The following ADAMTSL3 variants were observed in gnomAD, a reference collection of about 807,000 sequenced individuals.
ADAMTSL3 encodes the protein ADAMTS-like protein 3.
Under a neutral mutation model 201.7 loss-of-function variants are expected in ADAMTSL3, and 128 were observed. The observed-to-expected ratio is 0.63, with a 90% CI of 0.55 to 0.73. The LOEUF (loss-of-function observed/expected upper bound fraction) is 0.73, where lower values mean the gene tolerates loss of function less well. Ranked by LOEUF, ADAMTSL3 falls within the 30% of genes least tolerant of loss-of-function variation. ADAMTSL3 has a pLI of 0.00. For missense variants in ADAMTSL3, 1,990 were observed against 2,119.6 expected (o/e 0.94, Z 1.20); for synonymous variants, 738 against 748.4 (o/e 0.99, Z 0.23).
At chr15:83,904,705 A>C (rs936556832) in intron 15 of ADAMTSL3, among the ~76,000 whole-genome samples, 3 of 152,224 alleles carry the variant, frequency 2.0e-5, no homozygotes, top group Non-Finnish European at 2.9e-5. Context: ...TGGTTGTTTT[A>C]AAATTCCTCC....
chr15:83,827,568 G>A (rs1233990516), intron 6 of ADAMTSL3, among the ~76,000 whole-genome samples: 5 of 151,996 alleles, frequency 3.3e-5, no homozygotes, highest in Non-Finnish European at 7.4e-5. Context: ...TTGGTGTTTT[G>A]GACATGAAGT....
chr15:83,670,258 C>CAAAAAAAAAAAAAAAAAAAAAAAAAA (rs60947988), intron 2 of ADAMTSL3, among the ~76,000 whole-genome samples: 2 of 64,522 alleles, frequency 3.1e-5, no homozygotes, highest in African/African-American at 6.3e-5. Flanking sequence ...ACTCTGTCTC[C>CAAAAAAAAAAAAAAAAAAAAAAAAAA]AAAAAAAAAA....
intron 7 of ADAMTSL3, among the ~76,000 whole-genome samples, chr15:83,845,380 C>T (rs531201611): frequency 7.9e-5 from 12 of 152,348 alleles, no homozygotes; most frequent in African/African-American, 2.9e-4. Context: ...CAAATGAATA[C>T]ATGGCCTTCG....
chr15:83,896,822 G>A (rs2065624560), intron 13 of ADAMTSL3, among the ~76,000 whole-genome samples: 1 of 152,126 alleles, frequency 6.6e-6, no homozygotes, highest in South Asian at 2.1e-4. Context: ...AGGTTTAATT[G>A]ACTCACAGTT....
chr15:83,725,883 T>G (rs1163538499), intron 3 of ADAMTSL3, among the ~76,000 whole-genome samples: 1 of 152,172 alleles, frequency 6.6e-6, no homozygotes, highest in Non-Finnish European at 1.5e-5. Flanking sequence ...CTGGGTCTTT[T>G]GTGGTTCCAC....
intron 3 of ADAMTSL3, among the ~76,000 whole-genome samples, chr15:83,719,251 C>T (rs1454158267): frequency 6.6e-6 from 1 of 152,106 alleles, no homozygotes; most frequent in Non-Finnish European, 1.5e-5. Flanking sequence ...TTGCAACCAC[C>T]AAAATCCAGA....
At chr15:83,896,389 G>T (rs1026753215) in intron 13 of ADAMTSL3, among the ~76,000 whole-genome samples, 1 of 152,114 alleles carries the variant, frequency 6.6e-6, no homozygotes, top group African/African-American at 2.4e-5. Context: ...GTATTGAAGA[G>T]AATGTTTATT....
At position 83,789,063 on chromosome 15, in the gene ADAMTSL3, A is replaced by C. The variant is rs186059632; in HGVS notation, c.317+15413A>C. Among the ~76,000 whole-genome samples, 66 of 152,266 alleles carry C rather than the reference A, an allele frequency of 4.3e-4. 1 individual carries two copies. The East Asian group carries it at 0.012, about 28-fold the overall frequency. ...TGACCTCAGGTGATCTGCCAGCCTC[A>C]GCCTCCCAAAGTGTTGGGATTACAG... On this transcript the variant is annotated intron_variant, in intron 4 of 29. Coordinates refer to ENST00000286744, the MANE Select transcript of ADAMTSL3 (RefSeq NM_207517.3).
chr15:83,681,544 A>C (rs1180971935), intron 2 of ADAMTSL3, among the ~76,000 whole-genome samples: 1 of 152,198 alleles, frequency 6.6e-6, no homozygotes, highest in Non-Finnish European at 1.5e-5. Context: ...ATTCGGGATT[A>C]ATGTTAGGCA....
chr15:83,725,072 A>G (rs190267087), intron 3 of ADAMTSL3, among the ~76,000 whole-genome samples: 67 of 151,376 alleles, frequency 4.4e-4, no homozygotes, highest in African/African-American at 1.6e-3. Flanking sequence ...GTATATACCT[A>G]GGAGTGGGAT....
intron 3 of ADAMTSL3, among the ~76,000 whole-genome samples, chr15:83,724,601 A>G (rs1355068519): frequency 6.6e-6 from 1 of 151,948 alleles, no homozygotes; most frequent in Non-Finnish European, 1.5e-5. Flanking sequence ...ATTATTGTTG[A>G]CTGTAGTCAC....
intron 5 of ADAMTSL3, among the ~76,000 whole-genome samples, chr15:83,811,749 G>A (rs1487763542): frequency 1.3e-5 from 2 of 152,206 alleles, no homozygotes; most frequent in East Asian, 3.8e-4. Context: ...AGTTCTCAGA[G>A]TTGGAATCCT....
At chr15:83,656,990 C>T (rs894082440) in intron 2 of ADAMTSL3, among the ~76,000 whole-genome samples, 2 of 152,150 alleles carry the variant, frequency 1.3e-5, no homozygotes, top group Non-Finnish European at 2.9e-5. Flanking sequence ...CATCTTCTCC[C>T]CACTATCCCA....
intron 6 of ADAMTSL3, among the ~76,000 whole-genome samples, chr15:83,828,391 C>T (rs1349307933): frequency 4.6e-5 from 7 of 152,288 alleles, no homozygotes; most frequent in Admixed American, 1.3e-4. Flanking sequence ...CCTGAGACTT[C>T]ACTGAAGTTG....
chr15:83,736,024 T>C (rs1016021258), intron 3 of ADAMTSL3, among the ~76,000 whole-genome samples: 30 of 152,302 alleles, frequency 2.0e-4, no homozygotes, highest in Non-Finnish European at 3.8e-4. Flanking sequence ...ACTAAACTTA[T>C]TATACTCAAT....
chr15:83,823,898 CT>C (rs2063940138), intron 6 of ADAMTSL3, among the ~76,000 whole-genome samples: 4 of 18,172 alleles, frequency 2.2e-4, no homozygotes, highest in South Asian at 2.5e-3. Flanking sequence ...TCTTCCTCTT[CT>C]TCTTCTTCTT....
At chr15:83,805,845 T>C (rs1306104386) in intron 5 of ADAMTSL3, among the ~76,000 whole-genome samples, 1 of 152,218 alleles carries the variant, frequency 6.6e-6, no homozygotes, top group Non-Finnish European at 1.5e-5. Context: ...ACTCTGCCTC[T>C]ACTACTCCAT....
At position 83,982,381 on chromosome 15, in the gene ADAMTSL3, T is replaced by G; in HGVS notation, c.2753T>G (p.Ile918Ser). The G allele has an allele frequency of 6.2e-7, 1 of 1,614,112 alleles. No individual in the cohort carries two copies. The highest frequency in any genetic ancestry group is 8.5e-7 in the Non-Finnish European group (1 of 1,180,012). ...GAAGAGAAGCGTATTAACCTGACCA[T>G]TGGTAGCAGAGCCTATTTGCTGCCC... The part of the protein sequence containing the change: ...TREEKRINLT[I>S]GSRAYLLPNT... Residue 918 changes from isoleucine (I) to serine (S), a missense_variant, in exon 21 of 30, where the codon ATT becomes AGT. Transcript: ENST00000286744.
intron 27 of ADAMTSL3, among the ~76,000 whole-genome samples, chr15:84,030,493 C>T (rs1254220489): frequency 6.6e-6 from 1 of 152,166 alleles, no homozygotes; most frequent in African/African-American, 2.4e-5. Flanking sequence ...GCCAACTTCT[C>T]CCATTTGGAA....
Sources: gnomAD v4.1 joint callset for allele counts (sites outside exome capture counted in the v4.1 genomes callset) on GRCh38, gnomAD v4.1.1 for gene constraint, MANE v1.5 for transcripts, NCBI Gene and HGNC (gene_info 2026-07-23, HGNC 2026-07-21) for gene names.